The following MYH14 variants were observed in gnomAD, a reference collection of about 807,000 sequenced individuals.
MYH14 encodes the protein myosin heavy chain 14.
Under a neutral mutation model 255.5 loss-of-function variants are expected in MYH14, and 123 were observed. The observed-to-expected ratio is 0.48, with a 90% CI of 0.42 to 0.56. The LOEUF (loss-of-function observed/expected upper bound fraction) is 0.56, where lower values mean the gene tolerates loss of function less well. Among genes scored for constraint, MYH14 ranks in the 20% least tolerant of loss-of-function variants. The probability of loss-of-function intolerance (pLI) is 0.00; values close to 1 mark genes in which losing one functional copy is unlikely to be tolerated. For missense variants in MYH14, 2,423 were observed against 2,802.3 expected (o/e 0.86, Z 3.06); for synonymous variants, 1,095 against 1,161.2 (o/e 0.94, Z 1.16).
chr19:50,251,490 TATATATATACACAC>T (rs1465810012), intron 15 of MYH14, among the ~76,000 whole-genome samples: 5 of 130,884 alleles, frequency 3.8e-5, no homozygotes, highest in South Asian at 2.4e-4. Flanking sequence ...TATACACACA[TATATATATACACAC>T]ATATATATAT....
In MYH14 at chr19:50,280,119, A is replaced by C. The variant is rs377215107; in HGVS notation, c.4115A>C (p.Glu1372Ala). ...CTTAGCAAGGAGCTGAGCAGCACAG[A>C]AGCCCAGCTGCACGATGCCCAGGTG... ...IRLSKELSST[E>A]AQLHDAQELL... is the part of the protein sequence containing the mutation. The change falls in exon 31 of 43, where the codon GAA (glutamate) becomes GCA (alanine). Residue 1372 changes from glutamate to alanine, a missense_variant. By Grantham distance (107) the Glu-to-Ala change is moderately radical. This residue lies in a region of MYH14 where 1,513 missense variants were observed against 1,674.8 expected (regional missense o/e 0.90). Transcript: ENST00000642316. This position sits in a 1 kb window ranked among gnomAD's most constrained non-coding sequence, Gnocchi z 4.8. The C allele has an allele frequency of 3.7e-6, 6 of 1,607,058 alleles. No homozygotes were observed. Among genetic ancestry groups the C allele is most frequent in the Non-Finnish European group, 5.1e-6 (6 of 1,176,920 alleles).
At position 50,249,449 on chromosome 19, in the gene MYH14, C is replaced by T. The variant is rs559937030; in HGVS notation, c.1483-201C>T. The T allele has an allele frequency of 6.2e-6, 4 of 648,770 alleles. No individual in the cohort carries two copies. The African/African-American group carries it at 7.5e-5, about 12-fold the overall frequency. 40.2% of individuals were successfully genotyped at this position (648,770 alleles called of 1,614,324 possible). ...TCTCTGGGTCTCTGCCTCTCTGTCTCTGGGTCTCTGTCCCCTGTCTCTGGC... is the reference window on the plus strand; with the variant it reads ...TCTCTGGGTCTCTGCCTCTCTGTCTTTGGGTCTCTGTCCCCTGTCTCTGGC... On this transcript the variant is annotated intron_variant, in intron 13 of 42. Coordinates refer to ENST00000642316, the MANE Select transcript of MYH14 (RefSeq NM_001145809.2).
rs202242879 is a variant in MYH14, at chr19:50,278,128, G to A, written c.3871G>A (p.Val1291Met). ...GACCCGGCTGGCCCTGGAGGCCGAG[G>A]TGTCCGAGCTGCGGGCAGAACTGAG... The part of the protein sequence containing the change: ...EKTRLALEAE[V>M]SELRAELSSL... Residue 1291 changes from valine to methionine, a missense_variant, in exon 30 of 43, where the codon GTG (valine) becomes ATG (methionine). Physicochemically the swap from Val to Met is conservative, Grantham distance 21. This residue lies in a region of MYH14 where 1,513 missense variants were observed against 1,674.8 expected (regional missense o/e 0.90). Coordinates refer to ENST00000642316, the MANE Select transcript of MYH14 (RefSeq NM_001145809.2). 2 of 1,602,166 alleles carry A rather than the reference G, an allele frequency of 1.2e-6. No individual in the cohort carries two copies. The highest frequency in any genetic ancestry group is 1.7e-5 in the Admixed American group (1 of 59,626).
chr19:50,236,641 G>T (rs2123257016), intron 10 of MYH14, among the ~76,000 whole-genome samples: 1 of 151,972 alleles, frequency 6.6e-6, no homozygotes, highest in East Asian at 1.9e-4. Context: ...CCGGGAGGCG[G>T]AGGTTGCAGT....
chr19:50,272,796 C>T (rs1446330902), intron 27 of MYH14, 65 bp downstream of exon 27: 1 of 1,496,968 alleles, frequency 6.7e-7, no homozygotes, highest in Non-Finnish European at 9.0e-7. Context: ...GCGTGGGGTG[C>T]CCAAGTCAGA....
At position 50,271,404 on chromosome 19, in the gene MYH14, C is replaced by A; in HGVS notation, c.3034-5C>A. On this transcript the variant is annotated splice_region_variant and splice_polypyrimidine_tract_variant and intron_variant, in intron 24 of 42. Coordinates refer to ENST00000642316, the MANE Select transcript of MYH14 (RefSeq NM_001145809.2). ...ATCCTCACTCCTCCTGCCTTCCCAC[C>A]CCAGGAGCTAGAGGCCCACCTTGAG... The A allele has an allele frequency of 6.3e-7, 1 of 1,598,912 alleles. No individual in the cohort carries two copies. The highest frequency in any genetic ancestry group is 8.5e-7 in the Non-Finnish European group (1 of 1,173,276).
chr19:50,254,803 C>T (rs1189400385), intron 16 of MYH14, among the ~76,000 whole-genome samples: 1 of 152,200 alleles, frequency 6.6e-6, no homozygotes, highest in Non-Finnish European at 1.5e-5. Flanking sequence ...AGCATCCTGA[C>T]AGCCCAGGGA....
intron 36 of MYH14, 151 bp from the exon 37 acceptor site, chr19:50,292,110 T>G: frequency 1.4e-6 from 1 of 708,258 alleles, no homozygotes; most frequent in Non-Finnish European, 2.1e-6. Flanking sequence ...AGCAAGTGGC[T>G]TTATACACAG....
Position 50,244,142 on chromosome 19 carries a change from T to C in MYH14, c.1115-100T>C, listed in dbSNP as rs182172708. 2,281 of 946,512 alleles carry C rather than the reference T, an allele frequency of 2.4e-3. 11 individuals are homozygous for C. Among genetic ancestry groups the C allele is most frequent in the Admixed American group, 2.6e-3 (130 of 50,354 alleles). The allele number at this position is 946,512 out of a possible 1,614,324, so 58.6% of individuals were successfully genotyped here. ...GATTTTAAGCTGAGGGGTGGTGATA[T>C]AATTTGCCTTAAGCTTTTTAAGTTA... On this transcript the variant is annotated intron_variant, in intron 10 of 42. Coordinates refer to ENST00000642316, the MANE Select transcript of MYH14 (RefSeq NM_001145809.2).
chr19:50,210,521 C>CCGGCGTCT lies in MYH14; in HGVS notation c.159_166dup (p.Val56GlyfsTer47). ...CCTCCCCGCAGGTGGAGTGGACGGC[C>CCGGCGTCT]CGGCGTCTCGTGTGGGTGCCTTCGG... On this transcript the variant is annotated frameshift_variant, in exon 2 of 43. Coordinates refer to ENST00000642316, the MANE Select transcript of MYH14 (RefSeq NM_001145809.2). LOFTEE classifies it high-confidence loss of function. 6.4e-7 allele frequency: 1 copy of CCGGCGTCT among 1,574,064 alleles called. No individual in the cohort carries two copies. The highest frequency in any genetic ancestry group is 8.6e-7 in the Non-Finnish European group (1 of 1,161,844).
chr19:50,240,389 G>A (rs1393755262), intron 10 of MYH14, among the ~76,000 whole-genome samples: 1 of 152,006 alleles, frequency 6.6e-6, no homozygotes, highest in Non-Finnish European at 1.5e-5. Flanking sequence ...GACCAACTTG[G>A]GCAACATGCC....
chr19:50,258,142 C>T (rs1002622603), intron 18 of MYH14, among the ~76,000 whole-genome samples: 1 of 151,986 alleles, frequency 6.6e-6, no homozygotes, highest in African/African-American at 2.4e-5. Context: ...GTTGCCCAGG[C>T]TGCTCTCGAA....
intron 2 of MYH14, among the ~76,000 whole-genome samples, chr19:50,216,853 G>GCTGGAGT (rs1483010648): frequency 1.4e-5 from 2 of 144,352 alleles, no homozygotes; most frequent in African/African-American, 5.4e-5. Flanking sequence ...TGTTGCCCAG[G>GCTGGAGT]CTGGAGTGCA....
At chr19:50,271,819 G>C in intron 25 of MYH14, 30 bp from the exon 26 acceptor site, 3 of 1,611,766 alleles carry the variant, frequency 1.9e-6, no homozygotes, top group Non-Finnish European at 2.5e-6. Context: ...AACTCCTCCT[G>C]ACTGCCCCCC....
intron 3 of MYH14, 68 bp downstream of exon 3, chr19:50,217,839 G>A (rs908942239): frequency 2.8e-5 from 44 of 1,561,570 alleles, no homozygotes; most frequent in African/African-American, 2.7e-4. Context: ...TGGGGCTGCC[G>A]GAAGCCAGAG....
At chr19:50,306,956 C>G in intron 40 of MYH14, 93 bp from the exon 41 acceptor site, 1 of 934,820 alleles carries the variant, frequency 1.1e-6, no homozygotes, top group East Asian at 2.7e-5. Flanking sequence ...GAAGCCAATC[C>G]AAGAACAAGG....
chr19:50,277,984 C>T (rs1390328544), intron 29 of MYH14, 99 bp from the exon 30 acceptor site: 2 of 857,514 alleles, frequency 2.3e-6, no homozygotes, highest in African/African-American at 1.7e-5. Flanking sequence ...GTGTTCCAGG[C>T]AGAGGGAACA....
intron 39 of MYH14, among the ~76,000 whole-genome samples, chr19:50,298,282 G>A (rs951680853): frequency 3.9e-5 from 6 of 152,108 alleles, no homozygotes; most frequent in African/African-American, 1.4e-4. Flanking sequence ...GCCTTGTGCA[G>A]GTGAAAGAGG....
In MYH14 at chr19:50,281,745, G is replaced by A. The variant is rs757839485; in HGVS notation, c.4442G>A (p.Arg1481His). Residue 1481 changes from arginine (R) to histidine (H), a missense_variant, in exon 33 of 43, where the codon CGC (arginine) becomes CAC (histidine). Coordinates refer to ENST00000642316, the MANE Select transcript of MYH14 (RefSeq NM_001145809.2). Reference protein sequence around the residue: ...ETVDRLERGRRRLQQELDDAT... With the variant: ...ETVDRLERGRHRLQQELDDAT... ...GTGGATCGGCTGGAGCGGGGCCGCC[G>A]CCGGCTGCAGCAGGAGCTGGACGAC... 29 of 1,611,692 alleles carry A rather than the reference G, an allele frequency of 1.8e-5. 1 individual carries two copies. The highest frequency in any genetic ancestry group is 1.3e-4 in the South Asian group (12 of 91,010).
Sources: gnomAD v4.1 joint callset for allele counts (sites outside exome capture counted in the v4.1 genomes callset) on GRCh38, gnomAD v4.1.1 for gene constraint, gnomAD v4.1.1 regional missense constraint, Gnocchi (gnomAD v3.1) non-coding constraint, MANE v1.5 for transcripts, NCBI Gene and HGNC (gene_info 2026-07-23, HGNC 2026-07-21) for gene names.